The following SENP7 variants were observed in gnomAD, a reference collection of about 807,000 sequenced individuals.
The protein encoded by SENP7 is sentrin-specific protease 7.
SENP7 carries 64 observed loss-of-function variants against 141.2 expected under a neutral mutation model. The ratio of observed to expected loss-of-function variants is 0.45; its 90% CI spans 0.37 to 0.56. SENP7 has a LOEUF of 0.56. Among genes scored for constraint, SENP7 ranks in the 20% least tolerant of loss-of-function variants. The pLI, the probability that SENP7 is intolerant of heterozygous loss-of-function variation, is 0.00. For synonymous variants in SENP7, 382 were observed against 426.4 expected (o/e 0.90, Z 1.28); for missense variants, 1,025 against 1,212.2 (o/e 0.85, Z 2.29).
At chr3:101,331,228 C>T (rs953054532) in intron 19 of SENP7, among the ~76,000 whole-genome samples, 1 of 151,528 alleles carries the variant, frequency 6.6e-6, no homozygotes, top group Non-Finnish European at 1.5e-5. Context: ...GCCTATAATC[C>T]CAATACTTTA....
At chr3:101,438,706 G>A (rs957975426) in intron 4 of SENP7, among the ~76,000 whole-genome samples, 10 of 152,126 alleles carry the variant, frequency 6.6e-5, no homozygotes, top group African/African-American at 1.4e-4. Context: ...CAATAAAGTC[G>A]GTTTCAACGA....
intron 4 of SENP7, among the ~76,000 whole-genome samples, chr3:101,422,119 T>A (rs1451478615): frequency 1.3e-5 from 2 of 152,146 alleles, no homozygotes; most frequent in Non-Finnish European, 2.9e-5. Context: ...TAGATTCGCA[T>A]AGGAGCACGA....
At chr3:101,417,460 T>A in intron 5 of SENP7, 133 bp downstream of exon 5, 2 of 666,628 alleles carry the variant, frequency 3.0e-6, no homozygotes, top group Non-Finnish European at 5.2e-6. Flanking sequence ...CTTTAAGATT[T>A]GCTTTAGAGT....
Position 101,361,178 on chromosome 3 carries a change from A to G in SENP7, c.1623+537T>C, listed in dbSNP as rs1317496703. 4.6e-5 allele frequency among the ~76,000 whole-genome samples: 7 copies of G among 150,836 alleles called. No homozygotes were observed. The East Asian group carries it at 1.2e-3, about 25-fold the overall frequency. ...CAAGATCAGTGGAGTGCGCCCCTGC[A>G]CTCCAGCCTGGGTGAAACAGTGAGA... On this transcript the variant is annotated intron_variant, in intron 11 of 23. Transcript: ENST00000394095.
At chr3:101,414,134 G>C (rs764118540) in intron 5 of SENP7, 6 of 472,588 alleles carry the variant, frequency 1.3e-5, no homozygotes, top group African/African-American at 2.0e-5. Flanking sequence ...TGGCAATAAA[G>C]ATGGAGAACA....
At chr3:101,469,431 C>A (rs2063890966) in intron 3 of SENP7, among the ~76,000 whole-genome samples, 1 of 152,062 alleles carries the variant, frequency 6.6e-6, no homozygotes, top group Non-Finnish European at 1.5e-5. Flanking sequence ...ACTTTCCACC[C>A]CAAATCAACA....
chr3:101,484,563 A>G (rs2064641976), intron 3 of SENP7, among the ~76,000 whole-genome samples: 1 of 152,218 alleles, frequency 6.6e-6, no homozygotes, highest in Non-Finnish European at 1.5e-5. Flanking sequence ...GAGTGCCCCA[A>G]CTGCGGAAGT....
At chr3:101,476,754 C>T (rs1420770305) in intron 3 of SENP7, among the ~76,000 whole-genome samples, 1 of 152,182 alleles carries the variant, frequency 6.6e-6, no homozygotes, top group Admixed American at 6.5e-5. Context: ...ACAACCTCTC[C>T]AGTATCTGTT....
chr3:101,369,339 C>A (rs1480030824), intron 7 of SENP7, among the ~76,000 whole-genome samples: 19 of 152,164 alleles, frequency 1.2e-4, no homozygotes, highest in African/African-American at 4.6e-4. Context: ...TTCTTCAACA[C>A]CATACATCTT....
At chr3:101,346,169 T>C (rs947828028) in intron 13 of SENP7, among the ~76,000 whole-genome samples, 3 of 152,128 alleles carry the variant, frequency 2.0e-5, no homozygotes, top group African/African-American at 7.2e-5. Context: ...GAAAAAATGC[T>C]CAACATCACT....
At chr3:101,485,854 C>A (rs9865244) in intron 3 of SENP7, among the ~76,000 whole-genome samples, 60,332 of 151,666 alleles carry the variant, frequency 0.4, 12,499 homozygotes, top group Admixed American at 0.54. Context: ...GCAAGGAAAT[C>A]CAAAAAATGA....
chr3:101,418,709 C>T (rs926142833), intron 4 of SENP7, among the ~76,000 whole-genome samples: 2 of 151,574 alleles, frequency 1.3e-5, no homozygotes, highest in Admixed American at 6.6e-5. Flanking sequence ...TTGTTTGCAG[C>T]AGCCATTTGA....
intron 4 of SENP7, among the ~76,000 whole-genome samples, chr3:101,427,783 C>A (rs919671000): frequency 1.3e-5 from 2 of 151,948 alleles, no homozygotes; most frequent in African/African-American, 4.8e-5. Context: ...TGCCATGGTG[C>A]TTTGCTGCAC....
chr3:101,440,051 A>AC (rs1275029009), intron 4 of SENP7, among the ~76,000 whole-genome samples: 17 of 56,168 alleles, frequency 3.0e-4, no homozygotes, highest in African/African-American at 8.6e-4. Context: ...CTGCCCGGCC[A>AC]CCACCCCGTC....
intron 3 of SENP7, among the ~76,000 whole-genome samples, chr3:101,487,271 T>C (rs1012347242): frequency 6.6e-6 from 1 of 152,168 alleles, no homozygotes; most frequent in African/African-American, 2.4e-5. Context: ...CAAATAGACT[T>C]ACCATTTACA....
At chr3:101,443,637 T>C (rs2062768868) in intron 4 of SENP7, among the ~76,000 whole-genome samples, 1 of 151,350 alleles carries the variant, frequency 6.6e-6, no homozygotes, top group South Asian at 2.1e-4. Context: ...GAGCAGTGGT[T>C]TGTAGTTCTC....
At chr3:101,336,351 C>T (rs1339806938) in intron 17 of SENP7, among the ~76,000 whole-genome samples, 6 of 152,220 alleles carry the variant, frequency 3.9e-5, no homozygotes, top group South Asian at 4.1e-4. Context: ...GTTTATTACT[C>T]CTGTTATTTT....
intron 12 of SENP7, 56 bp downstream of exon 12, chr3:101,351,562 A>C: frequency 8.0e-7 from 1 of 1,256,896 alleles, no homozygotes; most frequent in Non-Finnish European, 1.1e-6. Flanking sequence ...GTTTTACTTA[A>C]ATTTATACTA....
Position 101,487,457 on chromosome 3 carries a change from T to A in SENP7, c.186+6416A>T, listed in dbSNP as rs555887240. On this transcript the variant is annotated intron_variant, in intron 3 of 23. Transcript: ENST00000394095. ...GTTTTTTTGCTGTGCAGAAGCTCTT[T>A]AATTAAATTAAGTTTCATTTGTCAA... is the stretch of plus-strand genomic sequence containing the variant. Among the ~76,000 whole-genome samples, 5 of 152,296 alleles carry A rather than the reference T, an allele frequency of 3.3e-5. 1 individual carries two copies. Among genetic ancestry groups the A allele is most frequent in the African/African-American group, 1.2e-4 (5 of 41,548 alleles).
Sources: allele counts gnomAD v4.1 joint callset (sites outside exome capture counted in the v4.1 genomes callset), GRCh38; gene constraint gnomAD v4.1.1; transcripts MANE v1.5; gene names NCBI Gene and HGNC (gene_info 2026-07-23, HGNC 2026-07-21).